Variants in ARID2 observed in about 807,000 individuals in gnomAD.
ARID2 encodes AT-rich interactive domain-containing protein 2.
A neutral mutation model predicts 184.6 loss-of-function variants in ARID2; 32 were observed. That is an observed-to-expected ratio of 0.17 (90% CI 0.13 to 0.23). ARID2 has a LOEUF of 0.23. Among genes scored for constraint, ARID2 ranks in the 10% least tolerant of loss-of-function variants. The pLI is 1.00. For missense variants in ARID2, 1,696 were observed against 2,197.6 expected (o/e 0.77, Z 4.56); for synonymous variants, 836 against 772.6 (o/e 1.08, Z -1.36).
At chr12:45,888,922 C>T (rs944606386) in intron 16 of ARID2, among the ~76,000 whole-genome samples, 2 of 152,046 alleles carry the variant, frequency 1.3e-5, no homozygotes, top group Non-Finnish European at 2.9e-5. Flanking sequence ...GCTTGGTGGC[C>T]CACACCTGTA....
chr12:45,870,134 C>T (rs575665663), intron 16 of ARID2, among the ~76,000 whole-genome samples: 48 of 151,900 alleles, frequency 3.2e-4, no homozygotes, highest in African/African-American at 1.0e-3. Flanking sequence ...TACAGGCGCC[C>T]GCCACCATGC....
intron 3 of ARID2, among the ~76,000 whole-genome samples, chr12:45,783,489 C>A (rs1054321892): frequency 6.6e-6 from 1 of 152,212 alleles, no homozygotes; most frequent in Non-Finnish European, 1.5e-5. Context: ...TGGTCCCCAA[C>A]CTTTTTGGCA....
intron 3 of ARID2, among the ~76,000 whole-genome samples, chr12:45,787,460 C>T (rs1423866539): frequency 6.6e-6 from 1 of 151,864 alleles, no homozygotes; most frequent in Non-Finnish European, 1.5e-5. Flanking sequence ...GTCTCGAACT[C>T]CTGGGCTTAA....
intron 3 of ARID2, among the ~76,000 whole-genome samples, chr12:45,771,873 T>G (rs780865331): frequency 5.3e-5 from 8 of 152,096 alleles, no homozygotes; most frequent in Non-Finnish European, 8.8e-5. Context: ...CAAACTCCCT[T>G]TGCTCTTTTT....
chr12:45,887,505 AT>A (rs1944214052), intron 16 of ARID2, among the ~76,000 whole-genome samples: 1 of 152,186 alleles, frequency 6.6e-6, no homozygotes, highest in Non-Finnish European at 1.5e-5. Context: ...AGAGGGGATA[AT>A]TTAGGAAGAA....
At chr12:45,853,457 G>A (rs757361308) in intron 15 of ARID2, among the ~76,000 whole-genome samples, 7 of 152,022 alleles carry the variant, frequency 4.6e-5, no homozygotes, top group Non-Finnish European at 7.4e-5. Flanking sequence ...ATTCTTTTCT[G>A]TTTCTTACTC....
intron 16 of ARID2, among the ~76,000 whole-genome samples, chr12:45,877,733 C>T (rs542965488): frequency 6.6e-4 from 101 of 152,210 alleles, no homozygotes; most frequent in African/African-American, 2.3e-3. Flanking sequence ...CTATAATCAC[C>T]AGATATACTA....
intron 16 of ARID2, among the ~76,000 whole-genome samples, chr12:45,888,171 G>T (rs1389041575): frequency 6.6e-6 from 1 of 151,134 alleles, no homozygotes; most frequent in African/African-American, 2.4e-5. Context: ...CTCCAGCCTG[G>T]GTGACAGAGC....
chr12:45,775,416 T>G (rs1941957946), intron 3 of ARID2, among the ~76,000 whole-genome samples: 1 of 152,212 alleles, frequency 6.6e-6, no homozygotes. Context: ...TAGGGCATCC[T>G]TATCACATCC....
intron 3 of ARID2, among the ~76,000 whole-genome samples, chr12:45,791,814 T>C (rs1346470644): frequency 1.3e-5 from 2 of 152,178 alleles, no homozygotes; most frequent in Admixed American, 6.5e-5. Flanking sequence ...AGCAAGAAAG[T>C]TGTCTGCAAT....
At chr12:45,768,119 C>A (rs1941805693) in intron 3 of ARID2, among the ~76,000 whole-genome samples, 1 of 152,208 alleles carries the variant, frequency 6.6e-6, no homozygotes, top group Admixed American at 6.5e-5. Context: ...ATAGAAACTT[C>A]ACTCCAGACT....
chr12:45,779,147 A>T (rs1029425132), intron 3 of ARID2, among the ~76,000 whole-genome samples: 1 of 151,970 alleles, frequency 6.6e-6, no homozygotes, highest in African/African-American at 2.4e-5. Context: ...TTGTTCATAA[A>T]TGTATTTATA....
chr12:45,789,425 G>A (rs1025747721), intron 3 of ARID2: 3 of 152,106 alleles, frequency 2.0e-5, no homozygotes, highest in African/African-American at 7.2e-5. Context: ...AAAAGATGTG[G>A]TCTGCGTGAT....
intron 3 of ARID2, among the ~76,000 whole-genome samples, chr12:45,778,070 G>A (rs945378266): frequency 6.6e-6 from 1 of 152,062 alleles, no homozygotes; most frequent in African/African-American, 2.4e-5. Context: ...GCCGGGTGTG[G>A]TGGCAGGCGC....
chr12:45,813,371 A>G (rs998178420), intron 4 of ARID2, among the ~76,000 whole-genome samples: 2 of 152,004 alleles, frequency 1.3e-5, no homozygotes, highest in Non-Finnish European at 2.9e-5. Context: ...TTATCAATAT[A>G]TAAAGCAAAT....
intron 4 of ARID2, among the ~76,000 whole-genome samples, chr12:45,816,573 T>C (rs1293232404): frequency 3.9e-5 from 6 of 152,218 alleles, no homozygotes; most frequent in African/African-American, 1.4e-4. Context: ...CACTTCTAGG[T>C]ATTTATGCCA....
intron 3 of ARID2, among the ~76,000 whole-genome samples, chr12:45,743,395 G>A (rs1285975830): frequency 6.6e-6 from 1 of 151,906 alleles, no homozygotes; most frequent in Non-Finnish European, 1.5e-5. Context: ...AAATTTTACT[G>A]TGTTGCCCAG....
chr12:45,808,539 T>C (rs1942642091), intron 3 of ARID2, among the ~76,000 whole-genome samples: 1 of 152,160 alleles, frequency 6.6e-6, no homozygotes, highest in Admixed American at 6.5e-5. Flanking sequence ...TAAAACCTAA[T>C]GAAACTTTGA....
chr12:45,733,395 C>T (rs932780079), intron 3 of ARID2, among the ~76,000 whole-genome samples: 2 of 152,140 alleles, frequency 1.3e-5, no homozygotes, highest in African/African-American at 4.8e-5. Flanking sequence ...CTATTACCTA[C>T]CCATAAGATT....
Sources: allele counts gnomAD v4.1 joint callset (sites outside exome capture counted in the v4.1 genomes callset), GRCh38; gene constraint gnomAD v4.1.1; transcripts MANE v1.5; gene names NCBI Gene and HGNC (gene_info 2026-07-23, HGNC 2026-07-21).